TAF3: variants seen among roughly 807,000 people sequenced by gnomAD.
The protein encoded by TAF3 is transcription initiation factor TFIID subunit 3.
A neutral mutation model predicts 80.6 loss-of-function variants in TAF3; 7 were observed. The ratio of observed to expected loss-of-function variants is 0.09; its 90% CI spans 0.05 to 0.16. The LOEUF is 0.16. Among genes scored for constraint, TAF3 ranks in the 10% least tolerant of loss-of-function variants. TAF3 has a pLI of 1.00. For missense variants in TAF3, 921 were observed against 1,140.2 expected (o/e 0.81, Z 2.77); for synonymous variants, 444 against 446.1 (o/e 1.00, Z 0.06).
chr10:7,897,501 G>A (rs1339666768), intron 2 of TAF3, among the ~76,000 whole-genome samples: 1 of 152,040 alleles, frequency 6.6e-6, no homozygotes. Flanking sequence ...ATTTCACTGT[G>A]ATTTGCCTTC....
chr10:7,838,929 G>GTTTGT (rs147369555), intron 2 of TAF3, among the ~76,000 whole-genome samples: 19,311 of 86,758 alleles, frequency 0.22, 1,514 homozygotes, highest in South Asian at 0.32. Context: ...TTTTTGGTTT[G>GTTTGT]TTTGTTTTGT....
At chr10:8,011,122 G>T (rs1832051082) in intron 5 of TAF3, among the ~76,000 whole-genome samples, 1 of 152,224 alleles carries the variant, frequency 6.6e-6, no homozygotes, top group African/African-American at 2.4e-5. Context: ...CAACTCTGCA[G>T]ACTGTGATGT....
At chr10:7,961,034 A>C (rs1252602931) in intron 2 of TAF3, among the ~76,000 whole-genome samples, 2 of 152,198 alleles carry the variant, frequency 1.3e-5, no homozygotes, top group Non-Finnish European at 2.9e-5. Flanking sequence ...GCGTGTTCGG[A>C]AGATCACCGT....
chr10:7,972,906 A>G (rs975628877), intron 3 of TAF3, among the ~76,000 whole-genome samples: 1 of 152,214 alleles, frequency 6.6e-6, no homozygotes, highest in African/African-American at 2.4e-5. Context: ...AATATTTATC[A>G]TAAGAGATAT....
rs1478308903 is a variant in TAF3, at chr10:7,838,536, C to A, written c.409+13976C>A. Among the ~76,000 whole-genome samples the A allele has an allele frequency of 2.0e-5, 3 of 152,090 alleles. No homozygotes were observed. In the East Asian group the frequency reaches 5.8e-4, roughly 29 times the overall value. On this transcript the variant is annotated intron_variant, in intron 2 of 6. Transcript: ENST00000344293. The stretch of plus-strand genomic sequence containing the variant: ...AGCTGAAATTACAGGTGTGCACCAC[C>A]ACGCCTGGCTAATTTTTGTAATTTT...
At chr10:8,013,196 T>C (rs1832070562) in intron 5 of TAF3, among the ~76,000 whole-genome samples, 1 of 152,254 alleles carries the variant, frequency 6.6e-6, no homozygotes, top group Non-Finnish European at 1.5e-5. Flanking sequence ...TAGTAACAAC[T>C]CTTTTATATC....
Position 7,965,724 on chromosome 10 carries a change from G to T in TAF3, c.2214G>T (p.Glu738Asp). Residue 738 changes from glutamate (E) to aspartate (D), a missense_variant, in exon 3 of 7, where the codon GAG (glutamate) becomes GAT (aspartate). Transcript: ENST00000344293. ...REREKREKEK[E>D]KHKHEKIKVE... is the part of the protein sequence containing the mutation. ...GAGAGAAGAGAGAAAAAGAGAAGGAGAAACACAAGCATGAAAAAGTAAGCA... is the reference window on the plus strand; with the variant it reads ...GAGAGAAGAGAGAAAAAGAGAAGGATAAACACAAGCATGAAAAAGTAAGCA... The T allele has an allele frequency of 6.5e-7, 1 of 1,538,942 alleles. No homozygotes were observed. Among genetic ancestry groups the T allele is most frequent in the South Asian group, 1.3e-5 (1 of 75,066 alleles).
intron 2 of TAF3, among the ~76,000 whole-genome samples, chr10:7,911,887 C>T (rs778223708): frequency 6.6e-6 from 1 of 152,054 alleles, no homozygotes; most frequent in African/African-American, 2.4e-5. Context: ...TGTAATGGGC[C>T]TAGCTTGCTT....
intron 2 of TAF3, among the ~76,000 whole-genome samples, chr10:7,850,683 A>AT (rs200191736): frequency 0.059 from 6,996 of 118,040 alleles, 295 homozygotes; most frequent in Admixed American, 0.13. Flanking sequence ...TCAAAAAAAA[A>AT]AAAATATATA....
At chr10:7,988,750 C>CAAAAAAAAAA (rs1382576147) in intron 4 of TAF3, among the ~76,000 whole-genome samples, 2 of 54,354 alleles carry the variant, frequency 3.7e-5, no homozygotes, top group African/African-American at 9.0e-5. Flanking sequence ...TTCTGTCTCT[C>CAAAAAAAAAA]AGAAAAAAAA....
intron 2 of TAF3, among the ~76,000 whole-genome samples, chr10:7,889,339 A>G (rs569740352): frequency 6.6e-6 from 1 of 152,344 alleles, no homozygotes; most frequent in Admixed American, 6.5e-5. Context: ...ATATTCAGTA[A>G]AACATGCTCC....
At chr10:7,969,168 A>T (rs1831599579) in intron 3 of TAF3, among the ~76,000 whole-genome samples, 1 of 151,420 alleles carries the variant, frequency 6.6e-6, no homozygotes, top group African/African-American at 2.4e-5. Flanking sequence ...ACAAACAAAC[A>T]AAAACCTATT....
chr10:7,944,135 GTTGT>G (rs1838002288), intron 2 of TAF3, among the ~76,000 whole-genome samples: 2 of 143,302 alleles, frequency 1.4e-5, no homozygotes, highest in Non-Finnish European at 3.1e-5. Flanking sequence ...GTGTGTGTGT[GTTGT>G]GGGGGGGAGG....
At chr10:7,976,460 G>T (rs1193143268) in intron 3 of TAF3, among the ~76,000 whole-genome samples, 1 of 150,456 alleles carries the variant, frequency 6.6e-6, no homozygotes, top group East Asian at 2.0e-4. Flanking sequence ...TGTTGCCCAG[G>T]CTGGAGTGCA....
chr10:7,999,434 A>G (rs540051843), intron 4 of TAF3, among the ~76,000 whole-genome samples: 1 of 150,180 alleles, frequency 6.7e-6, no homozygotes, highest in East Asian at 1.9e-4. Flanking sequence ...GTTAAAAAAA[A>G]AAAAGAAAGA....
intron 2 of TAF3, among the ~76,000 whole-genome samples, chr10:7,838,908 G>GTTTTTTTTTTTTTTTTTT (rs71505463): frequency 1.2e-4 from 12 of 101,854 alleles, no homozygotes; most frequent in African/African-American, 3.5e-4. Context: ...GGCATTGCTT[G>GTTTTTTTTTTTTTTTTTT]TTTTTTTTTT....
chr10:7,914,932 CTTTTTTTTT>C (rs869094036), intron 2 of TAF3, among the ~76,000 whole-genome samples: 1 of 84,962 alleles, frequency 1.2e-5, no homozygotes, highest in African/African-American at 5.5e-5. Flanking sequence ...TGCTCCCAGC[CTTTTTTTTT>C]TTTTTTTTTT....
At chr10:7,883,268 C>T (rs1345237221) in intron 2 of TAF3, among the ~76,000 whole-genome samples, 2 of 152,202 alleles carry the variant, frequency 1.3e-5, no homozygotes, top group Non-Finnish European at 2.9e-5. Context: ...TTCATGACCT[C>T]ACCACTTTGG....
intron 2 of TAF3, among the ~76,000 whole-genome samples, chr10:7,929,841 A>C (rs1837852248): frequency 6.6e-6 from 1 of 152,200 alleles, no homozygotes; most frequent in Admixed American, 6.5e-5. Context: ...ATGTCCAGGC[A>C]TGACAAGAAA....
Sources: allele counts gnomAD v4.1 joint callset (sites outside exome capture counted in the v4.1 genomes callset), GRCh38; gene constraint gnomAD v4.1.1; transcripts MANE v1.5; gene names NCBI Gene and HGNC (gene_info 2026-07-23, HGNC 2026-07-21).